Variants in MAGI2 observed in about 807,000 individuals in gnomAD.
MAGI2 encodes membrane associated guanylate kinase, WW and PDZ domain containing 2, also known as membrane-associated guanylate kinase, WW and PDZ domain-containing protein 2.
In MAGI2, 35 loss-of-function variants were observed where a neutral mutation model predicts 133.3. The ratio of observed to expected loss-of-function variants is 0.26; its 90% confidence interval spans 0.20 to 0.35. The LOEUF (loss-of-function observed/expected upper bound fraction) is 0.35, where lower values mean the gene tolerates loss of function less well. Ranked by LOEUF, MAGI2 falls within the 10% of genes least tolerant of loss-of-function variation. MAGI2 has a pLI of 1.00. For missense variants in MAGI2, 1,636 were observed against 1,863.4 expected, an observed-to-expected ratio of 0.88 and a Z score of 2.25; for synonymous variants, 729 against 710.6, an observed-to-expected ratio of 1.03 and a Z score of -0.41.
At chr7:78,487,009 A>C in intron 6 of MAGI2, 1 of 521,316 alleles carries the variant, frequency 1.9e-6, no homozygotes, top group Non-Finnish European at 3.9e-6. Context: ...GTATTCCAGC[A>C]CAAAGAGAAA....
chr7:78,439,441 A>G (rs1787380700), intron 6 of MAGI2, among the ~76,000 whole-genome samples: 1 of 152,172 alleles, frequency 6.6e-6, no homozygotes, highest in African/African-American at 2.4e-5. Flanking sequence ...ACGTGACAAA[A>G]TAGTTGGAAA....
chr7:78,936,556 A>G (rs1182616828), intron 2 of MAGI2, among the ~76,000 whole-genome samples: 1 of 152,042 alleles, frequency 6.6e-6, no homozygotes, highest in Non-Finnish European at 1.5e-5. Flanking sequence ...ATATATTTTG[A>G]TGCCAACAAA....
At chr7:79,006,914 C>A (rs1807506751) in intron 2 of MAGI2, 176 bp downstream of exon 2, 3 of 475,498 alleles carry the variant, frequency 6.3e-6, no homozygotes, top group South Asian at 4.1e-5. Context: ...CATCATAAAC[C>A]ATACTACTGC....
At chr7:78,367,153 A>T (rs1383629985) in intron 7 of MAGI2, among the ~76,000 whole-genome samples, 1 of 146,742 alleles carries the variant, frequency 6.8e-6, no homozygotes, top group East Asian at 2.0e-4. Context: ...GATAAGAAAA[A>T]TTTTCGTTTA....
intron 3 of MAGI2, among the ~76,000 whole-genome samples, chr7:78,534,899 C>T (rs1477110352): frequency 6.6e-6 from 1 of 152,124 alleles, no homozygotes; most frequent in African/African-American, 2.4e-5. Flanking sequence ...CTTTGGGAGG[C>T]TGAGGCAGGT....
intron 12 of MAGI2, among the ~76,000 whole-genome samples, chr7:78,188,558 T>C (rs1237409229): frequency 2.0e-5 from 3 of 152,208 alleles, no homozygotes; most frequent in Non-Finnish European, 2.9e-5. Flanking sequence ...CTGGTAAAAG[T>C]GTTTTAACAT....
At chr7:78,150,172 C>T (rs1271127440) in intron 16 of MAGI2, among the ~76,000 whole-genome samples, 2 of 152,124 alleles carry the variant, frequency 1.3e-5, no homozygotes, top group Admixed American at 1.3e-4. Context: ...CCCTAAGTTC[C>T]TGATGGAAAC....
At chr7:78,688,815 A>C (rs548788222) in intron 2 of MAGI2, among the ~76,000 whole-genome samples, 1 of 152,338 alleles carries the variant, frequency 6.6e-6, no homozygotes, top group African/African-American at 2.4e-5. Context: ...AGAACGCTAA[A>C]ATACAACTGA....
At chr7:79,329,254 T>C (rs1299930751) in intron 1 of MAGI2, among the ~76,000 whole-genome samples, 1 of 152,240 alleles carries the variant, frequency 6.6e-6, no homozygotes. Flanking sequence ...AAGGCAACCA[T>C]GCATTAAAAG....
intron 20 of MAGI2, among the ~76,000 whole-genome samples, chr7:78,086,207 T>A (rs1229080635): frequency 1.3e-5 from 2 of 151,146 alleles, no homozygotes; most frequent in Non-Finnish European, 2.9e-5. Flanking sequence ...ATCTCCTTAC[T>A]CTTCTAGGGC....
Position 78,850,210 on chromosome 7 carries a change from A to G in MAGI2, c.418+156880T>C, listed in dbSNP as rs1052722921. On this transcript the variant is annotated intron_variant, in intron 2 of 21. Transcript: ENST00000354212. Reference sequence around the variant, plus strand: ...TGCTGTTTTACAAATGATAAAATAGAGACTTACAGAGGTTAAGTATCTTGC... The same window carrying G: ...TGCTGTTTTACAAATGATAAAATAGGGACTTACAGAGGTTAAGTATCTTGC... 9.9e-5 allele frequency among the ~76,000 whole-genome samples: 15 copies of G among 152,094 alleles called. No individual in the cohort carries two copies. In the East Asian group the frequency reaches 2.9e-3, roughly 29 times the overall value.
chr7:78,748,338 C>T (rs1024692279), intron 2 of MAGI2, among the ~76,000 whole-genome samples: 1 of 152,088 alleles, frequency 6.6e-6, no homozygotes, highest in Non-Finnish European at 1.5e-5. Flanking sequence ...TTGAAATCAA[C>T]TATAATCCAG....
At chr7:78,055,662 A>G (rs1812492599) in intron 21 of MAGI2, among the ~76,000 whole-genome samples, 1 of 152,162 alleles carries the variant, frequency 6.6e-6, no homozygotes, top group Non-Finnish European at 1.5e-5. Flanking sequence ...CCTCCTTCCA[A>G]AATCAATCAG....
At chr7:78,492,615 AT>A (rs769736552) in intron 5 of MAGI2, among the ~76,000 whole-genome samples, 1 of 152,132 alleles carries the variant, frequency 6.6e-6, no homozygotes, top group Non-Finnish European at 1.5e-5. Context: ...TGTGTTCAGA[AT>A]GGGATAATTG....
At chr7:78,417,497 G>C (rs1207206120) in intron 6 of MAGI2, among the ~76,000 whole-genome samples, 2 of 151,940 alleles carry the variant, frequency 1.3e-5, no homozygotes, top group Non-Finnish European at 2.9e-5. Context: ...CTTTTACTTA[G>C]TAACTATAAT....
intron 20 of MAGI2, among the ~76,000 whole-genome samples, chr7:78,108,788 A>G (rs1272380260): frequency 6.6e-6 from 1 of 152,036 alleles, no homozygotes; most frequent in Non-Finnish European, 1.5e-5. Context: ...TTGTGTGTAT[A>G]TACACAATAT....
At chr7:78,702,973 G>A (rs1585133948) in intron 2 of MAGI2, among the ~76,000 whole-genome samples, 1 of 152,034 alleles carries the variant, frequency 6.6e-6, no homozygotes, top group East Asian at 1.9e-4. Context: ...AAGAGTTTGT[G>A]GAGAAATCTT....
intron 1 of MAGI2, among the ~76,000 whole-genome samples, chr7:79,284,510 T>A (rs972227489): frequency 6.6e-6 from 1 of 152,144 alleles, no homozygotes; most frequent in Non-Finnish European, 1.5e-5. Context: ...ATCCTCCTAC[T>A]CATGACTTAT....
At chr7:79,220,076 C>T (rs951656552) in intron 1 of MAGI2, among the ~76,000 whole-genome samples, 8 of 151,958 alleles carry the variant, frequency 5.3e-5, no homozygotes, top group African/African-American at 1.9e-4. Flanking sequence ...CTTGGGCTTC[C>T]CAATGCTAAT....
Sources: allele counts gnomAD v4.1 joint callset (sites outside exome capture counted in the v4.1 genomes callset), GRCh38; gene constraint gnomAD v4.1.1; transcripts MANE v1.5; gene names NCBI Gene and HGNC (gene_info 2026-07-23, HGNC 2026-07-21).